Variants in WDR45B observed in about 807,000 individuals in gnomAD.
The protein encoded by WDR45B is WD repeat domain 45B.
Under a neutral mutation model 44.6 loss-of-function variants are expected in WDR45B, and 20 were observed. That is an observed-to-expected ratio of 0.45 (90% CI 0.32 to 0.65). The LOEUF (loss-of-function observed/expected upper bound fraction) is 0.65. Among genes scored for constraint, WDR45B ranks in the 30% least tolerant of loss-of-function variants. The pLI is 0.05. For synonymous variants in WDR45B, 169 were observed against 164.9 expected (o/e 1.02, Z -0.19); for missense variants, 323 against 430.2 (o/e 0.75, Z 2.20).
chr17:82,640,779 T>C (rs537950900), intron 2 of WDR45B, among the ~76,000 whole-genome samples: 91 of 152,238 alleles, frequency 6.0e-4, no homozygotes, highest in African/African-American at 2.0e-3. Flanking sequence ...TCTACTCACA[T>C]AAGCTGGAAA....
intron 1 of WDR45B, 183 bp from the exon 2 acceptor site, chr17:82,644,206 A>G: frequency 1.5e-6 from 1 of 667,534 alleles, no homozygotes; most frequent in Non-Finnish European, 2.7e-6. Flanking sequence ...ACATCCATGC[A>G]GGGCATTTTG....
chr17:82,638,130 G>A (rs1430065466), intron 2 of WDR45B, among the ~76,000 whole-genome samples: 1 of 144,532 alleles, frequency 6.9e-6, no homozygotes, highest in Non-Finnish European at 1.5e-5. Flanking sequence ...AGGTTGCAGT[G>A]AGCCAAGATG....
At chr17:82,629,310 A>C (rs1476879898) in intron 3 of WDR45B, among the ~76,000 whole-genome samples, 2 of 152,168 alleles carry the variant, frequency 1.3e-5, no homozygotes, top group Admixed American at 1.3e-4. Context: ...GAAGTTCTCC[A>C]TGACAAGACA....
At chr17:82,623,113 C>A (rs913155540) in intron 5 of WDR45B, among the ~76,000 whole-genome samples, 1 of 152,140 alleles carries the variant, frequency 6.6e-6, no homozygotes, top group South Asian at 2.1e-4. Context: ...TTCTTACGGC[C>A]GGGCACAGTG....
intron 4 of WDR45B, among the ~76,000 whole-genome samples, chr17:82,626,418 C>T (rs1393777093): frequency 6.7e-6 from 1 of 150,088 alleles, no homozygotes; most frequent in African/African-American, 2.5e-5. Context: ...GCCTGTAGTC[C>T]CAGCTACTCC....
chr17:82,622,320 C>T (rs1163560565), intron 5 of WDR45B, among the ~76,000 whole-genome samples: 1 of 152,192 alleles, frequency 6.6e-6, no homozygotes, highest in East Asian at 1.9e-4. Context: ...CTATTACTAT[C>T]TAACTCATCT....
intron 9 of WDR45B, 142 bp downstream of exon 9, chr17:82,616,382 C>A: frequency 3.0e-6 from 4 of 1,351,354 alleles, no homozygotes; most frequent in Non-Finnish European, 4.2e-6. Context: ...ACACTGAGCC[C>A]ACAGGAGAAA....
At chr17:82,636,047 A>T (rs2045828354) in intron 2 of WDR45B, among the ~76,000 whole-genome samples, 1 of 151,930 alleles carries the variant, frequency 6.6e-6, no homozygotes, top group Non-Finnish European at 1.5e-5. Context: ...AGATCGCGTC[A>T]CTGCACTCTA....
intron 5 of WDR45B, 81 bp downstream of exon 5, chr17:82,625,308 T>TGCTTGGAGA (rs1163563703): frequency 7.1e-7 from 1 of 1,402,614 alleles, no homozygotes; most frequent in Non-Finnish European, 1.0e-6. Context: ...CTCAGAGACC[T>TGCTTGGAGA]GCTTGGAGAA....
At position 82,616,661 on chromosome 17, in the gene WDR45B, A is replaced by G. The variant is rs760472754; in HGVS notation, c.807-16T>C. On this transcript the variant is annotated splice_polypyrimidine_tract_variant and intron_variant, in intron 8 of 9. Coordinates refer to ENST00000392325, the MANE Select transcript of WDR45B (RefSeq NM_019613.4). ...TGAGGCCAAACTGTGAAGACAAGAA[A>G]AGAAAGGGTGGTTCAAAGTTTACAG... is the stretch of plus-strand genomic sequence containing the variant. 3 of 1,614,138 alleles carry G rather than the reference A, an allele frequency of 1.9e-6. No homozygotes were observed. In the South Asian group the frequency reaches 3.3e-5, roughly 18 times the overall value.
intron 2 of WDR45B, among the ~76,000 whole-genome samples, chr17:82,633,687 C>T (rs2045797554): frequency 6.6e-6 from 1 of 152,020 alleles, no homozygotes; most frequent in African/African-American, 2.4e-5. Flanking sequence ...GATGCAGCTG[C>T]TCTGGAAAAA....
chr17:82,640,878 G>C (rs2045905709), intron 2 of WDR45B, among the ~76,000 whole-genome samples: 1 of 151,944 alleles, frequency 6.6e-6, no homozygotes, highest in South Asian at 2.1e-4. Flanking sequence ...GCTGGCAGAC[G>C]CACAAGACCG....
chr17:82,616,870 T>C (rs190940734), intron 8 of WDR45B, among the ~76,000 whole-genome samples: 2 of 151,848 alleles, frequency 1.3e-5, no homozygotes, highest in East Asian at 3.9e-4. Flanking sequence ...CAGGCTGGAG[T>C]GCAGGGGCGC....
intron 6 of WDR45B, among the ~76,000 whole-genome samples, chr17:82,621,037 T>C (rs1010721522): frequency 2.0e-5 from 3 of 149,198 alleles, no homozygotes; most frequent in East Asian, 2.0e-4. Context: ...AACTTGGATG[T>C]GGACGTATTT....
chr17:82,623,156 C>G (rs2045641892), intron 5 of WDR45B, among the ~76,000 whole-genome samples: 1 of 152,010 alleles, frequency 6.6e-6, no homozygotes, highest in Admixed American at 6.6e-5. Context: ...CTTTGGGAGG[C>G]CAAGGAAGGC....
rs1322040294 is a variant in WDR45B, at chr17:82,623,638, CA to C, written c.427+1750del. On this transcript the variant is annotated intron_variant, in intron 5 of 9. Transcript: ENST00000392325. ...GCTTGAACCTGGGAGGCAGAGGCTGCAGTGAGCCGAGATCATGCCACTGCAC... is the reference window on the plus strand; with the variant it reads ...GCTTGAACCTGGGAGGCAGAGGCTGCGTGAGCCGAGATCATGCCACTGCAC... Among the ~76,000 whole-genome samples, 3 of 150,140 alleles carry C rather than the reference CA, an allele frequency of 2.0e-5. No homozygotes were observed. In the Admixed American group the frequency reaches 2.0e-4, roughly 10 times the overall value.
intron 2 of WDR45B, among the ~76,000 whole-genome samples, chr17:82,641,679 G>C (rs892918400): frequency 2.0e-5 from 3 of 152,146 alleles, no homozygotes; most frequent in African/African-American, 7.2e-5. Context: ...GGCGGATCAC[G>C]AGGTCAGGAG....
At chr17:82,638,913 C>T (rs536247456) in intron 2 of WDR45B, among the ~76,000 whole-genome samples, 1 of 152,086 alleles carries the variant, frequency 6.6e-6, no homozygotes, top group African/African-American at 2.4e-5. Flanking sequence ...ACCTCCGCCT[C>T]CTGGGTTCAA....
chr17:82,642,525 T>C (rs2045930719), intron 2 of WDR45B, among the ~76,000 whole-genome samples: 1 of 152,214 alleles, frequency 6.6e-6, no homozygotes, highest in South Asian at 2.1e-4. Context: ...AGCACATTAA[T>C]TGAATCCAAG....
Sources: gnomAD v4.1 joint callset for allele counts (sites outside exome capture counted in the v4.1 genomes callset) on GRCh38, gnomAD v4.1.1 for gene constraint, MANE v1.5 for transcripts, NCBI Gene and HGNC (gene_info 2026-07-23, HGNC 2026-07-21) for gene names.